The following TMEM117 variants were observed in gnomAD, a reference collection of about 807,000 sequenced individuals.
TMEM117 encodes the protein transmembrane protein 117.
TMEM117 carries 27 observed loss-of-function variants against 52.4 expected under a neutral mutation model. The ratio of observed to expected loss-of-function variants is 0.51; its 90% CI spans 0.38 to 0.71. The LOEUF (loss-of-function observed/expected upper bound fraction) is 0.71. TMEM117 is among the 30% of genes least tolerant of loss of function. The pLI, the probability that TMEM117 is intolerant of heterozygous loss-of-function variation, is 0.00. For missense variants in TMEM117, 556 were observed against 630.5 expected (o/e 0.88, Z 1.26); for synonymous variants, 215 against 206.3 (o/e 1.04, Z -0.36).
At chr12:44,322,273 C>A (rs890008266) in intron 6 of TMEM117, among the ~76,000 whole-genome samples, 1 of 152,088 alleles carries the variant, frequency 6.6e-6, no homozygotes, top group Non-Finnish European at 1.5e-5. Context: ...ATTCTTTTGA[C>A]CTCTAGGATT....
chr12:43,900,122 A>G (rs1944279333), intron 2 of TMEM117, among the ~76,000 whole-genome samples: 1 of 152,204 alleles, frequency 6.6e-6, no homozygotes, highest in Non-Finnish European at 1.5e-5. Flanking sequence ...AAACTACAGT[A>G]AAAATCTACT....
At chr12:44,147,432 CTTAAT>C (rs1948658928) in intron 4 of TMEM117, among the ~76,000 whole-genome samples, 1 of 152,080 alleles carries the variant, frequency 6.6e-6, no homozygotes, top group African/African-American at 2.4e-5. Flanking sequence ...TGCTTCTGCC[CTTAAT>C]TTAATGCCAG....
At chr12:44,379,812 T>C (rs1179064717) in intron 7 of TMEM117, among the ~76,000 whole-genome samples, 1 of 152,214 alleles carries the variant, frequency 6.6e-6, no homozygotes, top group Admixed American at 6.5e-5. Context: ...TGGTACTTTT[T>C]TTATGGAGAC....
At chr12:44,376,176 T>C (rs969564093) in intron 6 of TMEM117, among the ~76,000 whole-genome samples, 3 of 152,224 alleles carry the variant, frequency 2.0e-5, no homozygotes, top group Non-Finnish European at 4.4e-5. Flanking sequence ...CTTTACTTTG[T>C]CTTCTTACAG....
intron 5 of TMEM117, among the ~76,000 whole-genome samples, chr12:44,270,660 A>G (rs1176948081): frequency 6.6e-6 from 1 of 152,038 alleles, no homozygotes; most frequent in Admixed American, 6.6e-5. Context: ...TTTTGAATAG[A>G]AGTGGTGAGA....
At chr12:44,273,034 T>A (rs1237014292) in intron 5 of TMEM117, among the ~76,000 whole-genome samples, 42 of 152,166 alleles carry the variant, frequency 2.8e-4, no homozygotes, top group Non-Finnish European at 7.3e-5. Context: ...TGGAATACTA[T>A]GCAGCCATAA....
At chr12:44,204,232 A>C (rs977568194) in intron 4 of TMEM117, among the ~76,000 whole-genome samples, 1 of 152,182 alleles carries the variant, frequency 6.6e-6, no homozygotes, top group Non-Finnish European at 1.5e-5. Context: ...AGGATACAAA[A>C]TCAGTGTACA....
At chr12:43,920,762 C>A (rs1393618028) in intron 2 of TMEM117, among the ~76,000 whole-genome samples, 2 of 152,032 alleles carry the variant, frequency 1.3e-5, no homozygotes, top group African/African-American at 4.8e-5. Flanking sequence ...TTTTAAAATC[C>A]ATCCTTTAAA....
chr12:43,925,470 G>A (rs1944764184), intron 2 of TMEM117, among the ~76,000 whole-genome samples: 3 of 152,026 alleles, frequency 2.0e-5, no homozygotes, highest in Non-Finnish European at 1.5e-5. Context: ...AAAGTCGTCT[G>A]TCATATTCTG....
chr12:44,221,744 G>C (rs1046452468), intron 5 of TMEM117, among the ~76,000 whole-genome samples: 7 of 151,794 alleles, frequency 4.6e-5, no homozygotes, highest in African/African-American at 1.7e-4. Context: ...TGTCAACCAG[G>C]CTGGAGTACA....
chr12:43,914,182 C>T (rs948209705), intron 2 of TMEM117, among the ~76,000 whole-genome samples: 5 of 152,030 alleles, frequency 3.3e-5, no homozygotes, highest in South Asian at 2.1e-4. Context: ...GCAGCAGCTT[C>T]GGGAGGGGAT....
intron 4 of TMEM117, among the ~76,000 whole-genome samples, chr12:44,202,313 C>T (rs1191710056): frequency 6.6e-6 from 1 of 152,040 alleles, no homozygotes; most frequent in Admixed American, 6.6e-5. Context: ...TATGATGGTT[C>T]TTTGATGCCT....
chr12:43,907,015 G>T (rs1455023603), intron 2 of TMEM117, among the ~76,000 whole-genome samples: 1 of 152,240 alleles, frequency 6.6e-6, no homozygotes, highest in African/African-American at 2.4e-5. Context: ...AGGCCTGCCT[G>T]CCTCTGTAGG....
chr12:44,007,620 A>T (rs1175120688), intron 3 of TMEM117, among the ~76,000 whole-genome samples: 1 of 152,032 alleles, frequency 6.6e-6, no homozygotes, highest in Non-Finnish European at 1.5e-5. Flanking sequence ...AATAGTATTG[A>T]TATGGTTTGG....
intron 2 of TMEM117, among the ~76,000 whole-genome samples, chr12:43,900,197 G>A (rs1365567352): frequency 6.6e-6 from 1 of 151,982 alleles, no homozygotes; most frequent in East Asian, 1.9e-4. Flanking sequence ...TTGCATATAG[G>A]GTTTTTTGGT....
In TMEM117 at chr12:44,298,468, C is replaced by T. The variant is rs1470579573; in HGVS notation, c.609-1112C>T. 2.7e-5 allele frequency among the ~76,000 whole-genome samples: 4 copies of T among 150,056 alleles called. No individual in the cohort carries two copies. The East Asian group carries it at 7.7e-4, about 29-fold the overall frequency. On this transcript the variant is annotated intron_variant, in intron 5 of 7. Coordinates refer to ENST00000266534, the MANE Select transcript of TMEM117 (RefSeq NM_032256.3). ...AACAATATCTAGCCATCAATATAGC[C>T]CTGAAAAGCACAGGCTTAACTACAT...
chr12:44,342,142 T>G (rs928231644), intron 6 of TMEM117, among the ~76,000 whole-genome samples: 12 of 152,134 alleles, frequency 7.9e-5, no homozygotes, highest in Non-Finnish European at 1.5e-4. Context: ...TCAGGAACAA[T>G]TCCAGTGTAC....
At chr12:44,071,170 T>C (rs948915385) in intron 3 of TMEM117, among the ~76,000 whole-genome samples, 1 of 152,244 alleles carries the variant, frequency 6.6e-6, no homozygotes, top group Non-Finnish European at 1.5e-5. Flanking sequence ...TAAGATTTGC[T>C]TAAAGCTGGG....
At chr12:43,926,238 T>C (rs1446632659) in intron 2 of TMEM117, among the ~76,000 whole-genome samples, 1 of 152,220 alleles carries the variant, frequency 6.6e-6, no homozygotes, top group African/African-American at 2.4e-5. Context: ...GCTTTAGTCC[T>C]AAAACATTGG....
Sources: allele counts gnomAD v4.1 joint callset (sites outside exome capture counted in the v4.1 genomes callset), GRCh38; gene constraint gnomAD v4.1.1; transcripts MANE v1.5; gene names NCBI Gene and HGNC (gene_info 2026-07-23, HGNC 2026-07-21).